Variants in BTRC observed in about 807,000 individuals in gnomAD.
BTRC encodes beta-transducin repeat containing E3 ubiquitin protein ligase.
Under a neutral mutation model 85.5 loss-of-function variants are expected in BTRC, and 42 were observed. The ratio of observed to expected loss-of-function variants is 0.49; its 90% confidence interval spans 0.38 to 0.64. BTRC has a LOEUF of 0.64. Ranked by LOEUF, BTRC falls within the 30% of genes least tolerant of loss-of-function variation. The pLI is 0.00. For synonymous variants in BTRC, 255 were observed against 263.3 expected, an observed-to-expected ratio of 0.97 and a Z score of 0.30; for missense variants, 594 against 743.5, an observed-to-expected ratio of 0.80 and a Z score of 2.34.
In BTRC at chr10:101,556,766, T is replaced by C. The variant is rs2062728755; in HGVS notation, c.*3643T>C. On this transcript the variant is annotated 3_prime_UTR_variant, in exon 15 of 15. Coordinates refer to ENST00000370187, the MANE Select transcript of BTRC (RefSeq NM_033637.4). ...TAATGCATTGATCTTTAGAAGCTCC[T>C]TCTGTTGGAAGTTGAGTACCTGTGA... is the stretch of plus-strand genomic sequence containing the variant. The C allele has an allele frequency of 6.6e-6, 1 of 152,248 alleles. No homozygotes were observed. Among genetic ancestry groups the C allele is most frequent in the East Asian group, 1.9e-4 (1 of 5,202 alleles). 9.4% of individuals were successfully genotyped at this position (152,248 alleles called of 1,614,324 possible).
intron 4 of BTRC, among the ~76,000 whole-genome samples, chr10:101,507,921 A>AG (rs1564814508): frequency 6.6e-6 from 1 of 151,892 alleles, no homozygotes; most frequent in Non-Finnish European, 1.5e-5. Context: ...CCAGCCTTGG[A>AG]GGTGTGTGTA....
intron 4 of BTRC, among the ~76,000 whole-genome samples, chr10:101,489,260 T>A (rs976159434): frequency 3.9e-5 from 6 of 152,150 alleles, no homozygotes. Flanking sequence ...CTCTTTTTTT[T>A]TCTTTCCCAG....
At chr10:101,396,803 G>T (rs1018073222) in intron 1 of BTRC, among the ~76,000 whole-genome samples, 3 of 150,414 alleles carry the variant, frequency 2.0e-5, no homozygotes, top group Admixed American at 2.0e-4. Context: ...ATCTCCAAAA[G>T]ATTTTTTTTT....
At chr10:101,429,525 TTCCTCC>T (rs751713820) in intron 1 of BTRC, among the ~76,000 whole-genome samples, 7 of 71,162 alleles carry the variant, frequency 9.8e-5, no homozygotes, top group East Asian at 4.8e-4. Context: ...CCTCCCTCCC[TTCCTCC>T]TCCTCCTCCT....
chr10:101,429,598 TTC>T (rs892301773), intron 1 of BTRC, among the ~76,000 whole-genome samples: 2 of 146,826 alleles, frequency 1.4e-5, no homozygotes, highest in Non-Finnish European at 3.0e-5. Context: ...TCTCTCCTTT[TTC>T]TCTGTCTCTC....
chr10:101,468,185 C>A (rs1945431211), intron 3 of BTRC, among the ~76,000 whole-genome samples: 2 of 152,084 alleles, frequency 1.3e-5, no homozygotes, highest in Admixed American at 6.6e-5. Context: ...TTAATGTAAT[C>A]ATTCTTTGAT....
chr10:101,424,790 C>T (rs1296597482), intron 1 of BTRC, among the ~76,000 whole-genome samples: 2 of 152,168 alleles, frequency 1.3e-5, no homozygotes, highest in Non-Finnish European at 2.9e-5. Flanking sequence ...GGAGGCCCTT[C>T]ATTGCAATCT....
At chr10:101,536,378 A>G (rs905674352) in intron 11 of BTRC, among the ~76,000 whole-genome samples, 165 bp from the exon 12 acceptor site, 1 of 152,266 alleles carries the variant, frequency 6.6e-6, no homozygotes, top group African/African-American at 2.4e-5. Flanking sequence ...TGTGAGTTAT[A>G]TAGCAGAAAG....
chr10:101,420,234 C>T (rs879329584), intron 1 of BTRC, among the ~76,000 whole-genome samples: 2 of 151,980 alleles, frequency 1.3e-5, no homozygotes, highest in African/African-American at 2.4e-5. Flanking sequence ...AGAAACCTAG[C>T]TCTTATTATC....
At chr10:101,513,520 G>A (rs1459720273) in intron 4 of BTRC, among the ~76,000 whole-genome samples, 2 of 152,226 alleles carry the variant, frequency 1.3e-5, no homozygotes, top group East Asian at 1.9e-4. Flanking sequence ...AGTTTCATAC[G>A]AGTAGAATCA....
chr10:101,494,725 ATGAAGC>A (rs1946218018), intron 4 of BTRC, among the ~76,000 whole-genome samples: 1 of 152,220 alleles, frequency 6.6e-6, no homozygotes, highest in Non-Finnish European at 1.5e-5. Context: ...ACCATGAAAA[ATGAAGC>A]CCCTTGTATT....
At chr10:101,354,141 G>A (rs1167168156), upstream of BTRC, 12 of 1,547,380 alleles carry the variant, frequency 7.8e-6, no homozygotes, top group Admixed American at 3.9e-5. Context: ...CACCAAAGGG[G>A]CGGCCCCGGC....
At chr10:101,503,560 C>T (rs528479589) in intron 4 of BTRC, among the ~76,000 whole-genome samples, 72 of 152,248 alleles carry the variant, frequency 4.7e-4, no homozygotes, top group African/African-American at 1.7e-3. Flanking sequence ...TGTCTTCAGT[C>T]CCTTGATGTT....
At position 101,526,566 on chromosome 10, in the gene BTRC, G is replaced by A. The variant is rs569447462; in HGVS notation, c.743+367G>A. On this transcript the variant is annotated intron_variant, in intron 6 of 14. Coordinates refer to ENST00000370187, the MANE Select transcript of BTRC (RefSeq NM_033637.4). ...AGGCCAAGGTGGGCAGATCACTCGAGGCCAGGAGTTTGAGACCAGCCTGGC... is the reference window on the plus strand; with the variant it reads ...AGGCCAAGGTGGGCAGATCACTCGAAGCCAGGAGTTTGAGACCAGCCTGGC... Among the ~76,000 whole-genome samples the A allele has an allele frequency of 2.2e-3, 339 of 152,308 alleles. 1 individual carries two copies. The highest frequency in any genetic ancestry group is 3.9e-3 in the Non-Finnish European group (265 of 68,032).
chr10:101,354,320 G>C, intron 1 of BTRC, 92 bp downstream of exon 1: 1 of 1,416,894 alleles, frequency 7.1e-7, no homozygotes, highest in South Asian at 1.3e-5. Context: ...GGACCGGGCA[G>C]CGGGACCCTG....
chr10:101,442,189 G>A (rs916901866), intron 2 of BTRC, among the ~76,000 whole-genome samples: 2 of 151,692 alleles, frequency 1.3e-5, no homozygotes, highest in Admixed American at 6.6e-5. Flanking sequence ...CTGCTTAGAG[G>A]TACTGTAGAG....
intron 2 of BTRC, among the ~76,000 whole-genome samples, chr10:101,438,635 G>A (rs957600817): frequency 9.2e-5 from 14 of 151,970 alleles, no homozygotes; most frequent in African/African-American, 3.1e-4. Context: ...GTTCATTGTA[G>A]TTTCTACCCT....
intron 4 of BTRC, among the ~76,000 whole-genome samples, chr10:101,520,871 C>G (rs762365415): frequency 6.6e-6 from 1 of 152,102 alleles, no homozygotes. Flanking sequence ...GCAGGAGAAT[C>G]GCTTGATTCT....
At chr10:101,387,553 G>A (rs1266831045) in intron 1 of BTRC, among the ~76,000 whole-genome samples, 2 of 17,314 alleles carry the variant, frequency 1.2e-4, no homozygotes, top group Non-Finnish European at 1.8e-4. Context: ...TTTTGAGATA[G>A]CCTCACTCTG....
Sources: allele counts gnomAD v4.1 joint callset (sites outside exome capture counted in the v4.1 genomes callset), GRCh38; gene constraint gnomAD v4.1.1; transcripts MANE v1.5; gene names NCBI Gene and HGNC (gene_info 2026-07-23, HGNC 2026-07-21).